Variants in SNX29 observed in about 807,000 individuals in gnomAD.
SNX29 encodes the protein sorting nexin 29, also known as sorting nexin-29.
In SNX29, 78 loss-of-function variants were observed where a neutral mutation model predicts 102.1. The observed-to-expected ratio is 0.76, with a 90% CI of 0.64 to 0.92. The LOEUF (loss-of-function observed/expected upper bound fraction) is 0.92. Ranked by LOEUF, SNX29 falls within the 40% of genes least tolerant of loss-of-function variation. The pLI is 0.00. For synonymous variants in SNX29, 580 were observed against 414.5 expected (o/e 1.40, Z -4.85); for missense variants, 1,280 against 1,061.7 (o/e 1.21, Z -2.86).
chr16:12,400,124 T>A (rs2083882797), intron 17 of SNX29, among the ~76,000 whole-genome samples: 1 of 151,884 alleles, frequency 6.6e-6, no homozygotes, highest in Non-Finnish European at 1.5e-5. Context: ...CCAACCAGTT[T>A]ACTCATCTAC....
chr16:12,380,803 T>C (rs1454877339), intron 16 of SNX29, among the ~76,000 whole-genome samples: 1 of 34,918 alleles, frequency 2.9e-5, no homozygotes, highest in African/African-American at 8.8e-5. Context: ...CCACACACCA[T>C]CCATCCATCC....
chr16:12,168,730 TAAC>T (rs1358620588), intron 13 of SNX29, among the ~76,000 whole-genome samples: 1 of 152,238 alleles, frequency 6.6e-6, no homozygotes, highest in African/African-American at 2.4e-5. Context: ...AGAATCTTCT[TAAC>T]AATAACGTAT....
rs554817161 is a variant in SNX29, at chr16:12,569,381, C to G, written c.*752C>G. The G allele has an allele frequency of 8.7e-6, 2 of 230,636 alleles. No individual in the cohort carries two copies. Among genetic ancestry groups the G allele is most frequent in the Admixed American group, 5.7e-5 (1 of 17,644 alleles). 14.3% of individuals were successfully genotyped at this position (230,636 alleles called of 1,614,324 possible). Reference sequence around the variant, plus strand: ...GCTTGGAGTGGGGGGACTCAGACATCTGGCCCAGCCATCAGCAGCAACCTA... The same window carrying G: ...GCTTGGAGTGGGGGGACTCAGACATGTGGCCCAGCCATCAGCAGCAACCTA... On this transcript the variant is annotated 3_prime_UTR_variant, in exon 21 of 21. Coordinates refer to ENST00000566228, the MANE Select transcript of SNX29 (RefSeq NM_032167.5).
chr16:12,057,359 A>C lies in SNX29; in HGVS notation c.1125-4169A>C, dbSNP rs143604910. Among the ~76,000 whole-genome samples the C allele has an allele frequency of 3.7e-3, 564 of 152,238 alleles. 4 individuals are homozygous for C. Among genetic ancestry groups the C allele is most frequent in the African/African-American group, 0.013 (539 of 41,522 alleles). ...TGTCAGTGAGTCCTCAGTTCCTGGCACATCCCATAGCATCCACTTGGTGTC... is the reference window on the plus strand; with the variant it reads ...TGTCAGTGAGTCCTCAGTTCCTGGCCCATCCCATAGCATCCACTTGGTGTC... On this transcript the variant is annotated intron_variant, in intron 8 of 20. Transcript: ENST00000566228.
At chr16:12,285,992 G>A (rs984623512) in intron 15 of SNX29, among the ~76,000 whole-genome samples, 2 of 151,912 alleles carry the variant, frequency 1.3e-5, no homozygotes, top group South Asian at 2.1e-4. Flanking sequence ...AGTAGCATAC[G>A]CTACCATGCT....
At chr16:12,290,820 G>A (rs978915109) in intron 15 of SNX29, among the ~76,000 whole-genome samples, 1 of 152,098 alleles carries the variant, frequency 6.6e-6, no homozygotes, top group Non-Finnish European at 1.5e-5. Flanking sequence ...AGTTTTCTTG[G>A]TTCTTGCTCC....
At chr16:12,145,108 G>A (rs947961923) in intron 13 of SNX29, among the ~76,000 whole-genome samples, 23 of 151,876 alleles carry the variant, frequency 1.5e-4, no homozygotes, top group African/African-American at 5.6e-4. Context: ...ATGTAAAGCT[G>A]AATGGTTTCA....
Position 12,477,866 on chromosome 16 carries a change from TC to T in SNX29, c.2178+10del, listed in dbSNP as rs2087728499. 13 of 1,591,058 alleles carry T rather than the reference TC, an allele frequency of 8.2e-6. No individual in the cohort carries two copies. In the East Asian group the frequency reaches 2.9e-4, roughly 36 times the overall value. On this transcript the variant is annotated splice_region_variant and intron_variant, in intron 19 of 20. Transcript: ENST00000566228. ...AAAGGCCATTGGAAACAAGGTACCA[TC>T]CCGTGCTGGGAAGCCCACTTGTCAC...
intron 19 of SNX29, among the ~76,000 whole-genome samples, chr16:12,522,902 T>G (rs1431443257): frequency 6.6e-6 from 1 of 152,156 alleles, no homozygotes; most frequent in Admixed American, 6.5e-5. Context: ...ACTCTACCTC[T>G]CGGGCTTAAG....
intron 3 of SNX29, among the ~76,000 whole-genome samples, chr16:12,004,200 G>T (rs111986036): frequency 8.8e-4 from 134 of 152,044 alleles, no homozygotes; most frequent in Middle Eastern, 3.4e-3. Flanking sequence ...AATTAGCCAG[G>T]CACGGTGGCG....
At chr16:12,108,180 T>C (rs951121078) in intron 11 of SNX29, among the ~76,000 whole-genome samples, 13 of 152,168 alleles carry the variant, frequency 8.5e-5, no homozygotes, top group African/African-American at 3.1e-4. Flanking sequence ...CTCCCAGTGG[T>C]AGAGGAAGTT....
intron 3 of SNX29, among the ~76,000 whole-genome samples, chr16:12,025,128 C>T (rs570121622): frequency 6.6e-6 from 1 of 151,910 alleles, no homozygotes; most frequent in South Asian, 2.1e-4. Context: ...ATGGTGAAAC[C>T]CCATCTCTAC....
intron 19 of SNX29, among the ~76,000 whole-genome samples, chr16:12,502,775 C>G (rs1192001079): frequency 6.6e-6 from 1 of 152,198 alleles, no homozygotes; most frequent in Non-Finnish European, 1.5e-5. Flanking sequence ...GTACCTCCTC[C>G]TTTGTCCCCA....
intron 13 of SNX29, among the ~76,000 whole-genome samples, chr16:12,154,680 C>T (rs1298268385): frequency 6.6e-6 from 1 of 152,164 alleles, no homozygotes; most frequent in Non-Finnish European, 1.5e-5. Context: ...GGCTTATAAA[C>T]AACAAATAGA....
At chr16:12,425,172 G>A (rs1404766472) in intron 18 of SNX29, among the ~76,000 whole-genome samples, 1 of 152,246 alleles carries the variant, frequency 6.6e-6, no homozygotes, top group Non-Finnish European at 1.5e-5. Context: ...TTGTCCTCTG[G>A]GGGTATGGTG....
chr16:12,537,424 A>AACT (rs2077125401), intron 20 of SNX29, among the ~76,000 whole-genome samples: 1 of 152,238 alleles, frequency 6.6e-6, no homozygotes, highest in Non-Finnish European at 1.5e-5. Context: ...ATTCCAGCTC[A>AACT]ACTACATAGC....
intron 11 of SNX29, among the ~76,000 whole-genome samples, chr16:12,108,987 G>A (rs1363669123): frequency 6.6e-6 from 1 of 151,872 alleles, no homozygotes; most frequent in East Asian, 1.9e-4. Flanking sequence ...AATTAGCTGG[G>A]TGCTGTGACA....
At chr16:12,367,966 AG>A (rs2082545865) in intron 16 of SNX29, among the ~76,000 whole-genome samples, 1 of 152,280 alleles carries the variant, frequency 6.6e-6, no homozygotes, top group African/African-American at 2.4e-5. Flanking sequence ...GATCGAGAGA[AG>A]AAAAGCATCT....
At chr16:12,114,570 CTT>C (rs879534554) in intron 11 of SNX29, among the ~76,000 whole-genome samples, 1 of 143,760 alleles carries the variant, frequency 7.0e-6, no homozygotes. Flanking sequence ...ATCGTCATTC[CTT>C]TTTTTTTTTT....
Sources: gnomAD v4.1 joint callset for allele counts (sites outside exome capture counted in the v4.1 genomes callset) on GRCh38, gnomAD v4.1.1 for gene constraint, MANE v1.5 for transcripts, NCBI Gene and HGNC (gene_info 2026-07-23, HGNC 2026-07-21) for gene names.